Variants in CEP128 observed in about 807,000 individuals in gnomAD.
CEP128 encodes the protein centrosomal protein 128kDa.
In CEP128, 132 loss-of-function variants were observed where a neutral mutation model predicts 156.7. The observed-to-expected ratio is 0.84, with a 90% CI of 0.73 to 0.97. The LOEUF is 0.97. Ranked by LOEUF, CEP128 falls within the 50% of genes least tolerant of loss-of-function variation. CEP128 has a pLI of 0.00. For missense variants in CEP128, 1,252 were observed against 1,281.9 expected (o/e 0.98, Z 0.36); for synonymous variants, 469 against 448.9 (o/e 1.04, Z -0.57).
intron 8 of CEP128, among the ~76,000 whole-genome samples, chr14:80,873,108 A>T (rs908185194): frequency 2.0e-5 from 3 of 152,182 alleles, no homozygotes; most frequent in Non-Finnish European, 4.4e-5. Flanking sequence ...ATGTGGGCAC[A>T]ATTTTCTGGG....
chr14:80,956,014 C>G, intron 2 of CEP128: 1 of 797,268 alleles, frequency 1.3e-6, no homozygotes, highest in Non-Finnish European at 2.1e-6. Context: ...GTGCTAAAAA[C>G]TTAATCGCCC....
At position 80,822,882 on chromosome 14, in the gene CEP128, A is replaced by G. The variant is rs1230291241; in HGVS notation, c.1209+8261T>C. The G allele has an allele frequency of 9.6e-6, 6 of 626,282 alleles. No individual in the cohort carries two copies. The African/African-American group carries it at 1.1e-4, about 12-fold the overall frequency. The allele number at this position is 626,282 out of a possible 1,614,324, so 38.8% of individuals were successfully genotyped here. A position where few individuals can be genotyped will look rare whatever the true frequency, so the allele number is the denominator to read the frequency against. ...TTTTTATCAAGTTTTATAAAACTGCATAATTTTACTTTTTTTTAAGCTATG... is the reference window on the plus strand; with the variant it reads ...TTTTTATCAAGTTTTATAAAACTGCGTAATTTTACTTTTTTTTAAGCTATG... On this transcript the variant is annotated intron_variant, in intron 13 of 24. Coordinates refer to ENST00000555265, the MANE Select transcript of CEP128 (RefSeq NM_152446.5).
At chr14:80,887,669 G>C (rs547504018) in intron 8 of CEP128, among the ~76,000 whole-genome samples, 1 of 152,242 alleles carries the variant, frequency 6.6e-6, no homozygotes, top group East Asian at 1.9e-4. Flanking sequence ...GCCCACATCA[G>C]AAAGTGCAAA....
At chr14:80,955,840 A>G (rs1198983165) in intron 2 of CEP128, 1 of 1,614,224 alleles carries the variant, frequency 6.2e-7, no homozygotes, top group South Asian at 1.1e-5. Context: ...ACCGCCCAGT[A>G]CGCAGACTCT....
intron 18 of CEP128, among the ~76,000 whole-genome samples, chr14:80,755,864 C>G (rs1210868059): frequency 1.3e-5 from 2 of 152,132 alleles, no homozygotes; most frequent in African/African-American, 4.8e-5. Flanking sequence ...GTAGAAGGAA[C>G]AGTTGTCTCA....
intron 8 of CEP128, among the ~76,000 whole-genome samples, chr14:80,886,310 C>A (rs1888795852): frequency 6.6e-6 from 1 of 152,036 alleles, no homozygotes; most frequent in Admixed American, 6.6e-5. Context: ...AGAAGAGCAA[C>A]CCCAAGACAC....
intron 13 of CEP128, among the ~76,000 whole-genome samples, chr14:80,800,126 C>T (rs926779903): frequency 5.3e-5 from 8 of 152,256 alleles, no homozygotes; most frequent in African/African-American, 9.6e-5. Flanking sequence ...ATAGTCCTAC[C>T]GATATGTGAT....
intron 12 of CEP128, among the ~76,000 whole-genome samples, chr14:80,831,628 CAA>C (rs1885805680): frequency 6.8e-6 from 1 of 146,426 alleles, no homozygotes; most frequent in East Asian, 2.0e-4. Flanking sequence ...AAAAAAAATA[CAA>C]AAAGAGTTTT....
intron 19 of CEP128, among the ~76,000 whole-genome samples, chr14:80,673,783 T>C (rs1279080349): frequency 6.6e-6 from 1 of 151,714 alleles, no homozygotes; most frequent in Non-Finnish European, 1.5e-5. Flanking sequence ...TTCTTTTCTC[T>C]TTCTCTCTCT....
At chr14:80,603,681 T>C (rs538019979) in intron 19 of CEP128, among the ~76,000 whole-genome samples, 1 of 152,300 alleles carries the variant, frequency 6.6e-6, no homozygotes, top group South Asian at 2.1e-4. Flanking sequence ...TTCATCATTA[T>C]TATTTCATCA....
intron 19 of CEP128, among the ~76,000 whole-genome samples, chr14:80,740,558 A>C (rs1898779422): frequency 1.3e-5 from 2 of 150,180 alleles, no homozygotes; most frequent in South Asian, 2.1e-4. Context: ...AGACAGATAG[A>C]TAGAAATGAT....
chr14:80,921,785 G>A (rs2139533722), intron 2 of CEP128, among the ~76,000 whole-genome samples: 1 of 152,184 alleles, frequency 6.6e-6, no homozygotes, highest in African/African-American at 2.4e-5. Flanking sequence ...ACAACACGGT[G>A]AAACCCCATC....
At chr14:80,570,425 T>C (rs943591464) in intron 20 of CEP128, among the ~76,000 whole-genome samples, 1 of 152,142 alleles carries the variant, frequency 6.6e-6, no homozygotes, top group African/African-American at 2.4e-5. Context: ...CCATATGTTC[T>C]TATTTTTAAT....
In CEP128 at chr14:80,805,381, C is replaced by A. The variant is rs556639626; in HGVS notation, c.1210-12271G>T. On this transcript the variant is annotated intron_variant, in intron 13 of 24. Coordinates refer to ENST00000555265, the MANE Select transcript of CEP128 (RefSeq NM_152446.5). Reference sequence around the variant, plus strand: ...TTCTGTAGTGGATCTCGCCCTTTGTCCTAGCTAAGAGGCCTTTGCAGCAGC... The same window carrying A: ...TTCTGTAGTGGATCTCGCCCTTTGTACTAGCTAAGAGGCCTTTGCAGCAGC... Among the ~76,000 whole-genome samples the A allele has an allele frequency of 2.6e-3, 389 of 151,726 alleles. 1 individual carries two copies. Among genetic ancestry groups the A allele is most frequent in the African/African-American group, 9.1e-3 (378 of 41,348 alleles).
rs185192191 is a variant in CEP128, at chr14:80,575,250, T to C, written c.2856+5124A>G. On this transcript the variant is annotated intron_variant, in intron 20 of 24. Coordinates refer to ENST00000555265, the MANE Select transcript of CEP128 (RefSeq NM_152446.5). Reference sequence around the variant, plus strand: ...AGTTCATTTCTAATAAAATTTCTAATAATACCAAATAATGTGTTCAAAAAT... The same window carrying C: ...AGTTCATTTCTAATAAAATTTCTAACAATACCAAATAATGTGTTCAAAAAT... Among the ~76,000 whole-genome samples, 26 of 151,934 alleles carry C rather than the reference T, an allele frequency of 1.7e-4. No homozygotes were observed. In the East Asian group the frequency reaches 5.0e-3, roughly 29 times the overall value.
intron 13 of CEP128, chr14:80,822,470 C>A: frequency 1.8e-6 from 1 of 556,824 alleles, no homozygotes; most frequent in South Asian, 1.5e-5. Flanking sequence ...CCTAACCAAC[C>A]AAAGCCCGTG....
At chr14:80,636,749 T>C (rs1894197307) in intron 19 of CEP128, among the ~76,000 whole-genome samples, 1 of 152,158 alleles carries the variant, frequency 6.6e-6, no homozygotes, top group Non-Finnish European at 1.5e-5. Flanking sequence ...CCCATTTCCA[T>C]TTTTCCCCCC....
At chr14:80,903,959 A>G (rs1175356898) in intron 6 of CEP128, among the ~76,000 whole-genome samples, 11 of 152,152 alleles carry the variant, frequency 7.2e-5, no homozygotes, top group Admixed American at 7.2e-4. Flanking sequence ...AAATAAGACT[A>G]CTATATGACC....
At chr14:80,667,864 A>G (rs1046288134) in intron 19 of CEP128, among the ~76,000 whole-genome samples, 31 of 151,808 alleles carry the variant, frequency 2.0e-4, no homozygotes, top group African/African-American at 7.5e-4. Flanking sequence ...TCTCAAAAAA[A>G]AAAAAAAAAA....
Sources: gnomAD v4.1 joint callset for allele counts (sites outside exome capture counted in the v4.1 genomes callset) on GRCh38, gnomAD v4.1.1 for gene constraint, MANE v1.5 for transcripts, NCBI Gene and HGNC (gene_info 2026-07-23, HGNC 2026-07-21) for gene names.